Variants in RABGAP1 observed in about 807,000 individuals in gnomAD.
RABGAP1 encodes the protein rab GTPase-activating protein 1.
Under a neutral mutation model 137.6 loss-of-function variants are expected in RABGAP1, and 23 were observed. The ratio of observed to expected loss-of-function variants is 0.17; its 90% confidence interval spans 0.12 to 0.24. The LOEUF (loss-of-function observed/expected upper bound fraction) is 0.24, where lower values mean the gene tolerates loss of function less well. Among genes scored for constraint, RABGAP1 ranks in the 10% least tolerant of loss-of-function variants. The pLI is 1.00. For synonymous variants in RABGAP1, 451 were observed against 450.7 expected (o/e 1.00, Z -0.01); for missense variants, 906 against 1,275.8 (o/e 0.71, Z 4.42).
intron 14 of RABGAP1, among the ~76,000 whole-genome samples, chr9:123,069,380 T>G (rs966164071): frequency 8.5e-5 from 13 of 152,068 alleles, no homozygotes; most frequent in Admixed American, 8.5e-4. Flanking sequence ...TGACTCAAGG[T>G]TGAATAGAAC....
At chr9:123,015,872 A>G (rs1046970993) in intron 12 of RABGAP1, among the ~76,000 whole-genome samples, 1 of 152,242 alleles carries the variant, frequency 6.6e-6, no homozygotes, top group Non-Finnish European at 1.5e-5. Flanking sequence ...CAAATGTGGA[A>G]TTCATGTACA....
At chr9:123,020,480 C>CT in intron 13 of RABGAP1, 21 bp downstream of exon 13, 1 of 1,516,188 alleles carries the variant, frequency 6.6e-7, no homozygotes. Context: ...GATAATTCAG[C>CT]TTCAGCATTA....
Position 122,990,797 on chromosome 9 carries a change from ATATATATAT to A in RABGAP1, c.923+585_923+593del, listed in dbSNP as rs1371283471. ...AAAAAAAAAAAAAAAAAAAAAAAAA[ATATATATAT>A]ATATATATATATATATATATATATA... On this transcript the variant is annotated intron_variant, in intron 6 of 25. Coordinates refer to ENST00000373647, the MANE Select transcript of RABGAP1 (RefSeq NM_012197.4). 1.3e-3 allele frequency: 42 copies of A among 31,780 alleles called. 2 individuals are homozygous for A. Among genetic ancestry groups the A allele is most frequent in the African/African-American group, 7.7e-3 (33 of 4,308 alleles). The allele number at this position is 31,780 out of a possible 1,614,324, so 2.0% of individuals were successfully genotyped here.
chr9:123,023,172 G>A (rs996775893), intron 13 of RABGAP1, among the ~76,000 whole-genome samples: 3 of 151,902 alleles, frequency 2.0e-5, no homozygotes, highest in African/African-American at 4.8e-5. Flanking sequence ...GGTTAGTTTT[G>A]ATTGTTCTTG....
intron 10 of RABGAP1, among the ~76,000 whole-genome samples, chr9:123,005,764 T>C (rs1393464000): frequency 6.6e-6 from 1 of 152,236 alleles, no homozygotes; most frequent in African/African-American, 2.4e-5. Context: ...AAGTGCATCT[T>C]AGAATAGACT....
intron 1 of RABGAP1, among the ~76,000 whole-genome samples, chr9:122,955,374 C>A (rs1210316839): frequency 6.6e-6 from 1 of 152,132 alleles, no homozygotes; most frequent in Admixed American, 6.5e-5. Flanking sequence ...AATAAGTATT[C>A]AATGAATGGA....
At chr9:122,985,376 A>G (rs550872391) in intron 3 of RABGAP1, among the ~76,000 whole-genome samples, 16 of 152,228 alleles carry the variant, frequency 1.1e-4, no homozygotes, top group Non-Finnish European at 2.2e-4. Flanking sequence ...GCACATTGGG[A>G]GGCCGAGGCA....
chr9:123,004,148 G>T (rs577360900), intron 10 of RABGAP1, among the ~76,000 whole-genome samples: 12 of 152,204 alleles, frequency 7.9e-5, no homozygotes, highest in Non-Finnish European at 2.9e-5. Flanking sequence ...GGTTGTTCCA[G>T]TATTTCTGAT....
chr9:123,042,251 T>TA lies in RABGAP1; in HGVS notation c.1794+21794dup, dbSNP rs199999248. ...AGCCACATTCCCTGCCTGGTCACTT[T>TA]AAGGTGATGCCCATCAATCAACACA... On this transcript the variant is annotated intron_variant, in intron 13 of 25. Transcript: ENST00000373647. Among the ~76,000 whole-genome samples the TA allele has an allele frequency of 2.6e-4, 40 of 152,336 alleles. No homozygotes were observed. The East Asian group carries it at 2.9e-3, about 11-fold the overall frequency.
intron 19 of RABGAP1, 130 bp from the exon 20 acceptor site, chr9:123,089,628 A>G: frequency 1.5e-6 from 1 of 685,418 alleles, no homozygotes. Flanking sequence ...CCCTCCAAAA[A>G]AATAGGAAAT....
intron 13 of RABGAP1, among the ~76,000 whole-genome samples, chr9:123,052,750 C>T (rs529031782): frequency 1.5e-4 from 23 of 151,956 alleles, no homozygotes; most frequent in African/African-American, 4.6e-4. Context: ...GCCAACATGG[C>T]GAAACCCCAT....
intron 2 of RABGAP1, among the ~76,000 whole-genome samples, chr9:122,961,333 C>T (rs1039123090): frequency 6.6e-6 from 1 of 152,114 alleles, no homozygotes; most frequent in African/African-American, 2.4e-5. Context: ...GCTAACTTCT[C>T]AGCAAAAAAA....
intron 1 of RABGAP1, among the ~76,000 whole-genome samples, chr9:122,945,586 A>G (rs1833905527): frequency 6.6e-6 from 1 of 152,212 alleles, no homozygotes; most frequent in South Asian, 2.1e-4. Context: ...TTGGTTGTAA[A>G]GTATGAGAAA....
At chr9:123,006,765 G>A (rs911777707) in intron 10 of RABGAP1, among the ~76,000 whole-genome samples, 8 of 151,864 alleles carry the variant, frequency 5.3e-5, no homozygotes, top group East Asian at 2.0e-4. Flanking sequence ...GCACCACCAC[G>A]CCTGGCTAAT....
intron 13 of RABGAP1, among the ~76,000 whole-genome samples, chr9:123,055,546 C>CTTTTTT (rs930532167): frequency 2.1e-4 from 26 of 121,948 alleles, no homozygotes; most frequent in Non-Finnish European, 3.3e-4. Context: ...ATTTCTTCTT[C>CTTTTTT]TTTTTTTTTT....
At chr9:122,931,876 T>C in the RABGAP1 span, among the ~76,000 whole-genome samples, 1 of 152,206 alleles carries the variant, frequency 6.6e-6, no homozygotes, top group South Asian at 2.1e-4. Flanking sequence ...ACTTAAACTT[T>C]GGTAAGTCTT....
chr9:123,070,317 A>G lies in RABGAP1; in HGVS notation c.1909-33A>G. 6.2e-7 allele frequency: 1 copy of G among 1,613,234 alleles called. No individual in the cohort carries two copies. The highest frequency in any genetic ancestry group is 1.1e-5 in the South Asian group (1 of 90,996). ...CCATGGCCCACAAGTGGCTACATTC[A>G]TTTACATTTCCTCTGTGTGTTTTAT... On this transcript the variant is annotated intron_variant, in intron 14 of 25. Coordinates refer to ENST00000373647, the MANE Select transcript of RABGAP1 (RefSeq NM_012197.4). This position sits in a 1 kb window ranked among gnomAD's most constrained non-coding sequence, Gnocchi z 4.4.
Position 123,104,035 on chromosome 9 carries a change from C to T in RABGAP1, c.*822C>T, listed in dbSNP as rs970366062. 7.3e-5 allele frequency: 11 copies of T among 151,156 alleles called. No homozygotes were observed. The highest frequency in any genetic ancestry group is 2.2e-4 in the African/African-American group (9 of 40,868). The allele number at this position is 151,156 out of a possible 1,614,324, so 9.4% of individuals were successfully genotyped here. On this transcript the variant is annotated 3_prime_UTR_variant, in exon 26 of 26. Coordinates refer to ENST00000373647, the MANE Select transcript of RABGAP1 (RefSeq NM_012197.4). Reference sequence around the variant, plus strand: ...TATAAATATCTTTCCCAATATGCCCCGTTGACAGTGTTTAAATTCCAGACT... The same window carrying T: ...TATAAATATCTTTCCCAATATGCCCTGTTGACAGTGTTTAAATTCCAGACT...
At chr9:122,998,520 A>T in intron 9 of RABGAP1, 77 bp from the exon 10 acceptor site, 1 of 1,180,328 alleles carries the variant, frequency 8.5e-7, no homozygotes, top group Middle Eastern at 2.1e-4. Context: ...TAAAAGTAAT[A>T]GCTTTTATGG....
Sources: gnomAD v4.1 joint callset for allele counts (sites outside exome capture counted in the v4.1 genomes callset) on GRCh38, gnomAD v4.1.1 for gene constraint, Gnocchi (gnomAD v3.1) non-coding constraint, MANE v1.5 for transcripts, NCBI Gene and HGNC (gene_info 2026-07-23, HGNC 2026-07-21) for gene names.